The following SIAE variants were observed in gnomAD, a reference collection of about 807,000 sequenced individuals.
The protein encoded by SIAE is sialate O-acetylesterase.
SIAE carries 39 observed loss-of-function variants against 52.6 expected under a neutral mutation model. The ratio of observed to expected loss-of-function variants is 0.74; its 90% CI spans 0.57 to 0.97. SIAE has a LOEUF of 0.97. Ranked by LOEUF, SIAE falls within the 50% of genes least tolerant of loss-of-function variation. The pLI, the probability that SIAE is intolerant of heterozygous loss-of-function variation, is 0.00. For missense variants in SIAE, 592 were observed against 662.1 expected (o/e 0.89, Z 1.16); for synonymous variants, 233 against 241.4 (o/e 0.97, Z 0.32).
Position 124,636,996 on chromosome 11 carries a change from G to GA in SIAE, c.1526dup (p.Ile510HisfsTer14), listed in dbSNP as rs2134348775. On this transcript the variant is annotated frameshift_variant, in exon 10 of 10. Coordinates refer to ENST00000263593, the MANE Select transcript of SIAE (RefSeq NM_170601.5). LOFTEE classifies it low-confidence loss of function (END_TRUNC). Reference sequence around the variant, plus strand: ...GATGTCCAGGACCCTGGTCTGTAATGAAAGCAATGAAGGGAGGGGCTGGCA... The same window carrying GA: ...GATGTCCAGGACCCTGGTCTGTAATGAAAAGCAATGAAGGGAGGGGCTGGCA... 1 of 1,614,184 alleles carries GA rather than the reference G, an allele frequency of 6.2e-7. No individual in the cohort carries two copies. Among genetic ancestry groups the GA allele is most frequent in the East Asian group, 2.2e-5 (1 of 44,888 alleles).
rs944080827 is a variant in SIAE at position 124,634,386 on chromosome 11, T to C, written c.*2565A>G. The stretch of plus-strand genomic sequence containing the variant: ...AAACACTGCCTTAGTATACTTAAAC[T>C]ATCTTTTCATCTATCAGATTGTTAA... On this transcript the variant is annotated 3_prime_UTR_variant, in exon 10 of 10. Coordinates refer to ENST00000263593, the MANE Select transcript of SIAE (RefSeq NM_170601.5). 6.6e-6 allele frequency: 1 copy of C among 152,176 alleles called. No homozygotes were observed. Among genetic ancestry groups the C allele is most frequent in the African/African-American group, 2.4e-5 (1 of 41,422 alleles). 9.4% of individuals were successfully genotyped at this position (152,176 alleles called of 1,614,324 possible). A position where few individuals can be genotyped will look rare whatever the true frequency, so the allele number is the denominator to read the frequency against.
chr11:124,653,818 C>A (rs569474515), intron 4 of SIAE, among the ~76,000 whole-genome samples: 18 of 152,344 alleles, frequency 1.2e-4, no homozygotes, highest in African/African-American at 3.8e-4. Context: ...AGAGCAGGGA[C>A]TGTGTGTCCG....
chr11:124,636,995 T>C lies in SIAE; in HGVS notation c.1528A>G (p.Ile510Val), dbSNP rs751436942. The change falls in exon 10 of 10, where the codon ATT becomes GTT. Residue 510 changes from isoleucine (I) to valine (V), a missense_variant. Ile to Val is a conservative substitution (Grantham distance 29). Coordinates refer to ENST00000263593, the MANE Select transcript of SIAE (RefSeq NM_170601.5). Reference protein sequence around the residue: ...ALPAPPFIAFITDQGPGHQSN... With the variant: ...ALPAPPFIAFVTDQGPGHQSN... ...TGATGTCCAGGACCCTGGTCTGTAA[T>C]GAAAGCAATGAAGGGAGGGGCTGGC... The C allele has an allele frequency of 1.2e-6, 2 of 1,614,030 alleles. No homozygotes were observed. The highest frequency in any genetic ancestry group is 4.5e-5 in the East Asian group (2 of 44,904).
intron 3 of SIAE, among the ~76,000 whole-genome samples, chr11:124,655,189 T>A (rs545575338): frequency 1.3e-5 from 2 of 150,370 alleles, no homozygotes; most frequent in Admixed American, 6.6e-5. Flanking sequence ...TTTTTTTTTT[T>A]TGTGTGTGAG....
intron 3 of SIAE, among the ~76,000 whole-genome samples, chr11:124,656,837 T>G (rs530681346): frequency 1.3e-5 from 2 of 152,298 alleles, no homozygotes; most frequent in South Asian, 4.1e-4. Flanking sequence ...GCGCTCCAGC[T>G]GAGTCGGGGC....
intron 9 of SIAE, among the ~76,000 whole-genome samples, chr11:124,637,807 G>A (rs954887725): frequency 4.4e-4 from 67 of 152,202 alleles, no homozygotes; most frequent in African/African-American, 1.5e-3. Context: ...GGTGGATACC[G>A]TAGTTAGGAC....
Position 124,660,690 on chromosome 11 carries a change from C to T in SIAE, c.343G>A (p.Val115Ile), listed in dbSNP as rs895622003. The change falls in exon 3 of 10, where the codon GTC (valine) becomes ATC (isoleucine). Residue 115 changes from valine to isoleucine, a missense_variant. Transcript: ENST00000263593. ...KINFTLRVHDVLFGDVWLCSG... is the reference protein window; with the variant it reads ...KINFTLRVHDILFGDVWLCSG... ...CAGAGCCAGACATCTCCAAACAGGA[C>T]GTCATGAACTCTCAGGGTGAAGTTT... 5.6e-6 allele frequency: 9 copies of T among 1,614,062 alleles called. No individual in the cohort carries two copies. The highest frequency in any genetic ancestry group is 1.7e-5 in the Admixed American group (1 of 60,004).
intron 7 of SIAE, among the ~76,000 whole-genome samples, chr11:124,641,510 C>T (rs989729347): frequency 7.2e-5 from 11 of 152,314 alleles, no homozygotes; most frequent in East Asian, 1.9e-4. Context: ...GATAGCTGCA[C>T]GACATCGTGA....
At chr11:124,653,430 A>C (rs1310993627) in intron 4 of SIAE, among the ~76,000 whole-genome samples, 2 of 152,208 alleles carry the variant, frequency 1.3e-5, no homozygotes, top group African/African-American at 2.4e-5. Flanking sequence ...GGGAATGAAG[A>C]AGCAAAGAAA....
chr11:124,673,881 T>A (rs1943417381), upstream of SIAE: 18 of 655,788 alleles, frequency 2.7e-5, no homozygotes, highest in Middle Eastern at 4.4e-4. Context: ...TTTTTTTTTT[T>A]AAAGAAAAAA....
chr11:124,647,727 A>G (rs889073705), intron 6 of SIAE, among the ~76,000 whole-genome samples: 3 of 152,172 alleles, frequency 2.0e-5, no homozygotes, highest in African/African-American at 7.2e-5. Flanking sequence ...TCCTGAGACT[A>G]TTATATAAAT....
chr11:124,666,135 G>A (rs1329985607), intron 2 of SIAE, among the ~76,000 whole-genome samples: 2 of 152,194 alleles, frequency 1.3e-5, no homozygotes, highest in Admixed American at 1.3e-4. Context: ...TCATCCCTCA[G>A]GTATTAATTT....
At position 124,637,732 on chromosome 11, in the gene SIAE, A is replaced by G. The variant is rs886924726; in HGVS notation, c.1321-530T>C. Among the ~76,000 whole-genome samples, 12 of 152,248 alleles carry G rather than the reference A, an allele frequency of 7.9e-5. 1 individual carries two copies. ...GAGCTCAGAATGCAGACGTCTCTCA[A>G]TTCACCTGGAACCCAGTGTGGAAAG... On this transcript the variant is annotated intron_variant, in intron 9 of 9. Transcript: ENST00000263593.
chr11:124,655,052 C>A (rs1042181526), intron 3 of SIAE, among the ~76,000 whole-genome samples: 2 of 152,066 alleles, frequency 1.3e-5, no homozygotes. Context: ...CAAGAGGAGC[C>A]GTGAAGTAGC....
At chr11:124,656,406 G>C (rs1371390247) in intron 3 of SIAE, among the ~76,000 whole-genome samples, 1 of 152,190 alleles carries the variant, frequency 6.6e-6, no homozygotes, top group African/African-American at 2.4e-5. Context: ...TAGAAAGGTG[G>C]TGTTCAGGGT....
intron 2 of SIAE, among the ~76,000 whole-genome samples, chr11:124,668,340 T>C (rs1192546209): frequency 1.3e-5 from 2 of 152,244 alleles, no homozygotes; most frequent in African/African-American, 4.8e-5. Flanking sequence ...TTCCTCACTG[T>C]GGCACTTATC....
At chr11:124,641,959 CAAAAAAA>C (rs11327177) in intron 7 of SIAE, among the ~76,000 whole-genome samples, 27 of 39,222 alleles carry the variant, frequency 6.9e-4, no homozygotes, top group African/African-American at 1.7e-3. Flanking sequence ...GACTCCATCT[CAAAAAAA>C]AAAAAAAAAA....
Position 124,660,358 on chromosome 11 carries a change from A to G in SIAE, c.405+270T>C, listed in dbSNP as rs56283978. On this transcript the variant is annotated intron_variant, in intron 3 of 9. Transcript: ENST00000263593. ...TGAGAAGAAACTCAGTTTTGGAGAA[A>G]GTGCTAGAGAAAACAATACTCCTTC... 8.3e-3 allele frequency: 3,479 copies of G among 417,816 alleles called. 106 individuals carry two copies. The highest frequency in any genetic ancestry group is 0.061 in the African/African-American group (3,000 of 48,834). 25.9% of individuals were successfully genotyped at this position (417,816 alleles called of 1,614,324 possible).
chr11:124,658,776 G>C (rs1340010613), intron 3 of SIAE: 2 of 151,990 alleles, frequency 1.3e-5, no homozygotes, highest in African/African-American at 4.8e-5. Context: ...AGGAGGGAAG[G>C]AGAAAGACTC....
Sources: allele counts gnomAD v4.1 joint callset (sites outside exome capture counted in the v4.1 genomes callset), GRCh38; gene constraint gnomAD v4.1.1; transcripts MANE v1.5; gene names NCBI Gene and HGNC (gene_info 2026-07-23, HGNC 2026-07-21).